Variants in GRIK4 observed in about 807,000 individuals in gnomAD.
GRIK4 encodes glutamate ionotropic receptor kainate type subunit 4, also known as glutamate receptor ionotropic, kainate 4.
Under a neutral mutation model 104.9 loss-of-function variants are expected in GRIK4, and 40 were observed. The observed-to-expected ratio is 0.38, with a 90% CI of 0.30 to 0.50. The LOEUF (loss-of-function observed/expected upper bound fraction) is 0.50. Among genes scored for constraint, GRIK4 ranks in the 20% least tolerant of loss-of-function variants. The pLI is 0.93. For synonymous variants in GRIK4, 485 were observed against 524.9 expected (o/e 0.92, Z 1.04); for missense variants, 1,047 against 1,308.1 (o/e 0.80, Z 3.08).
chr11:120,732,502 C>T (rs748366895), intron 3 of GRIK4, among the ~76,000 whole-genome samples: 14 of 152,256 alleles, frequency 9.2e-5, no homozygotes, highest in Admixed American at 4.6e-4. Flanking sequence ...TAATGAGGCA[C>T]CTACAGGTAT....
At chr11:120,955,485 C>T (rs111552341) in intron 15 of GRIK4, among the ~76,000 whole-genome samples, 18 of 152,366 alleles carry the variant, frequency 1.2e-4, no homozygotes, top group African/African-American at 3.4e-4. Flanking sequence ...GGGGTGCACA[C>T]CTGTGCATAC....
chr11:120,924,745 A>C (rs1943304795), intron 13 of GRIK4, among the ~76,000 whole-genome samples: 1 of 152,144 alleles, frequency 6.6e-6, no homozygotes, highest in Admixed American at 6.5e-5. Flanking sequence ...CTGTGAAAAA[A>C]CAGTTTTGGG....
intron 3 of GRIK4, among the ~76,000 whole-genome samples, chr11:120,661,120 C>T (rs1252893654): frequency 6.6e-6 from 1 of 152,148 alleles, no homozygotes; most frequent in Non-Finnish European, 1.5e-5. Context: ...CAGCCAGCCA[C>T]AGGGACAAGG....
At chr11:120,887,478 A>G (rs1955155894) in intron 11 of GRIK4, among the ~76,000 whole-genome samples, 1 of 152,216 alleles carries the variant, frequency 6.6e-6, no homozygotes, top group African/African-American at 2.4e-5. Context: ...TTCCTGTTTG[A>G]GCTGGAAGGG....
intron 2 of GRIK4, among the ~76,000 whole-genome samples, chr11:120,654,292 G>A (rs374773180): frequency 3.7e-4 from 57 of 152,340 alleles, no homozygotes; most frequent in African/African-American, 1.3e-3. Context: ...TTCCTCATTT[G>A]TGAAATGGAG....
chr11:120,741,274 T>G (rs887004246), intron 3 of GRIK4, among the ~76,000 whole-genome samples: 28 of 146,412 alleles, frequency 1.9e-4, no homozygotes, highest in East Asian at 9.8e-4. Context: ...CCGTGTGCTT[T>G]CTTTTTTTTT....
At chr11:120,642,412 G>A (rs1949481287) in intron 1 of GRIK4, among the ~76,000 whole-genome samples, 1 of 151,976 alleles carries the variant, frequency 6.6e-6, no homozygotes, top group Admixed American at 6.5e-5. Context: ...GCTGGGAGAT[G>A]CGGGTATTAG....
chr11:120,768,435 GT>G (rs199693896), intron 3 of GRIK4, among the ~76,000 whole-genome samples: 5 of 151,968 alleles, frequency 3.3e-5, no homozygotes, highest in East Asian at 1.9e-4. Flanking sequence ...TATTCTAACA[GT>G]TTTTTTTGTG....
intron 1 of GRIK4, among the ~76,000 whole-genome samples, chr11:120,578,171 C>T (rs1368683394): frequency 6.6e-6 from 1 of 152,140 alleles, no homozygotes; most frequent in Non-Finnish European, 1.5e-5. Context: ...TAGAAGGGCA[C>T]CTGTTGCCTC....
At chr11:120,580,121 C>T (rs1038102226) in intron 1 of GRIK4, among the ~76,000 whole-genome samples, 4 of 152,094 alleles carry the variant, frequency 2.6e-5, no homozygotes, top group Non-Finnish European at 4.4e-5. Context: ...TTCATTTACC[C>T]GTTGAAGGAC....
At chr11:120,683,208 C>T (rs149579999) in intron 3 of GRIK4, among the ~76,000 whole-genome samples, 228 of 152,220 alleles carry the variant, frequency 1.5e-3, no homozygotes, top group South Asian at 6.3e-3. Flanking sequence ...ATTTCATAAT[C>T]CAGGCCAGAG....
chr11:120,797,210 C>G (rs987786727), intron 3 of GRIK4, among the ~76,000 whole-genome samples: 2 of 152,166 alleles, frequency 1.3e-5, no homozygotes, highest in African/African-American at 4.8e-5. Flanking sequence ...CTCAGCCCTG[C>G]CTTTGCTGTG....
chr11:120,820,626 T>G (rs1354444750), intron 6 of GRIK4, among the ~76,000 whole-genome samples: 4 of 152,212 alleles, frequency 2.6e-5, no homozygotes, highest in Non-Finnish European at 5.9e-5. Context: ...CACTGGCTAC[T>G]GCTGGAACCC....
At chr11:120,929,561 G>T (rs960546145) in intron 13 of GRIK4, among the ~76,000 whole-genome samples, 3 of 152,220 alleles carry the variant, frequency 2.0e-5, no homozygotes, top group African/African-American at 7.2e-5. Context: ...CTGCTCAAAT[G>T]CACAGCACAA....
Position 120,943,452 on chromosome 11 carries a change from C to T in GRIK4, c.1590+2992C>T, listed in dbSNP as rs142175756. On this transcript the variant is annotated intron_variant, in intron 14 of 20. Coordinates refer to ENST00000527524, the MANE Select transcript of GRIK4 (RefSeq NM_014619.5). Reference sequence around the variant, plus strand: ...ATGGTTAGAATAAGTCTGAGATGAACGTTGTTATGTCTGAAACAGAGGAGG... The same window carrying T: ...ATGGTTAGAATAAGTCTGAGATGAATGTTGTTATGTCTGAAACAGAGGAGG... Among the ~76,000 whole-genome samples the T allele has an allele frequency of 3.4e-3, 516 of 152,136 alleles. 3 individuals carry two copies. Among genetic ancestry groups the T allele is most frequent in the African/African-American group, 0.011 (449 of 41,498 alleles).
chr11:120,559,646 A>G (rs1001188638), intron 1 of GRIK4, among the ~76,000 whole-genome samples: 1 of 152,232 alleles, frequency 6.6e-6, no homozygotes, highest in Non-Finnish European at 1.5e-5. Context: ...CATTATTATA[A>G]ACACCAGCTA....
chr11:120,870,100 GC>G (rs1334446939), intron 9 of GRIK4: 1 of 152,238 alleles, frequency 6.6e-6, no homozygotes, highest in African/African-American at 2.4e-5. Flanking sequence ...TGAGAAGCAA[GC>G]CCCTCATTCC....
intron 3 of GRIK4, among the ~76,000 whole-genome samples, chr11:120,747,495 CG>C (rs1951465615): frequency 1.3e-5 from 2 of 152,268 alleles, no homozygotes; most frequent in East Asian, 3.9e-4. Context: ...ACCCCATAAA[CG>C]GATTACCCTA....
At chr11:120,682,728 T>TGGC (rs1950216821) in intron 3 of GRIK4, among the ~76,000 whole-genome samples, 1 of 152,088 alleles carries the variant, frequency 6.6e-6, no homozygotes, top group Admixed American at 6.6e-5. Flanking sequence ...CATAGATATG[T>TGGC]GGCCTCTTCC....
Sources: gnomAD v4.1 joint callset for allele counts (sites outside exome capture counted in the v4.1 genomes callset) on GRCh38, gnomAD v4.1.1 for gene constraint, MANE v1.5 for transcripts, NCBI Gene and HGNC (gene_info 2026-07-23, HGNC 2026-07-21) for gene names.